The following XPO1 variants were observed in gnomAD, a reference collection of about 807,000 sequenced individuals.
XPO1 encodes the protein exportin-1.
A neutral mutation model predicts 133.3 loss-of-function variants in XPO1; 5 were observed. That is an observed-to-expected ratio of 0.04 (90% CI 0.02 to 0.08). The LOEUF is 0.08. XPO1 is among the 10% of genes least tolerant of loss of function. The probability of loss-of-function intolerance (pLI) is 1.00; values close to 1 mark genes in which losing one functional copy is unlikely to be tolerated. For synonymous variants in XPO1, 419 were observed against 408.2 expected (o/e 1.03, Z -0.32); for missense variants, 506 against 1,267.5 (o/e 0.40, Z 9.12).
rs780698176 is a variant in XPO1 at position 61,492,476 on chromosome 2, T to C, written c.1572A>G (p.Leu524=). 140 of 1,590,828 alleles carry C rather than the reference T, an allele frequency of 8.8e-5. No individual in the cohort carries two copies. Among genetic ancestry groups the C allele is most frequent in the Non-Finnish European group, 1.1e-4 (133 of 1,173,050 alleles). The part of the protein sequence containing the change: ...KRFLVTVIKD[L]LGLCEQKRGK... ...CTCTTTTCTGTTCACATAATCCTAATAGATCCTGTAAATAAGACAAATTTG... is the reference window on the plus strand; with the variant it reads ...CTCTTTTCTGTTCACATAATCCTAACAGATCCTGTAAATAAGACAAATTTG... Residue 524 remains leucine, a synonymous_variant, in exon 15 of 25, where the codon CTA becomes CTG. Coordinates refer to ENST00000401558, the MANE Select transcript of XPO1 (RefSeq NM_003400.4). This position sits in a 1 kb window ranked among gnomAD's most constrained non-coding sequence, Gnocchi z 5.6.
chr2:61,504,039 TG>T (rs1697677171), intron 4 of XPO1, among the ~76,000 whole-genome samples: 1 of 152,016 alleles, frequency 6.6e-6, no homozygotes, highest in Non-Finnish European at 1.5e-5. Flanking sequence ...AGCGAACTCT[TG>T]TCTCAAAAAT....
intron 3 of XPO1, chr2:61,525,927 C>T (rs1286575637): frequency 6.7e-6 from 7 of 1,051,268 alleles, no homozygotes; most frequent in Non-Finnish European, 8.0e-6. Context: ...TTGATCAACC[C>T]TTCTGTTCAA....
At chr2:61,505,722 CT>C (rs1328158076) in intron 4 of XPO1, among the ~76,000 whole-genome samples, 2 of 151,908 alleles carry the variant, frequency 1.3e-5, no homozygotes, top group African/African-American at 2.4e-5. Context: ...CCGCACCTGG[CT>C]TTTTTTTGTA....
intron 4 of XPO1, among the ~76,000 whole-genome samples, chr2:61,507,759 T>TC (rs1185250156): frequency 6.6e-6 from 1 of 152,044 alleles, no homozygotes; most frequent in Non-Finnish European, 1.5e-5. Flanking sequence ...GTGCCTGCAG[T>TC]CCCAGCTACT....
chr2:61,519,170 C>A (rs1343005450), intron 4 of XPO1, among the ~76,000 whole-genome samples: 2 of 152,154 alleles, frequency 1.3e-5, no homozygotes, highest in Non-Finnish European at 2.9e-5. Flanking sequence ...AGACTGGTCT[C>A]AAACTCCTGA....
chr2:61,487,255 T>C (rs543064516), intron 19 of XPO1, among the ~76,000 whole-genome samples: 1 of 152,306 alleles, frequency 6.6e-6, no homozygotes, highest in South Asian at 2.1e-4. Context: ...CAAAAGATGA[T>C]ACCCTTTGTA....
At chr2:61,481,119 TA>T in intron 24 of XPO1, 65 bp downstream of exon 24, 1 of 1,007,674 alleles carries the variant, frequency 9.9e-7, no homozygotes, top group South Asian at 1.8e-5. Context: ...ATAAAAATTC[TA>T]CAATGTAACA....
chr2:61,497,025 G>A lies in XPO1; in HGVS notation c.760-18C>T, dbSNP rs2104473179. The A allele has an allele frequency of 3.8e-6, 6 of 1,593,124 alleles. No individual in the cohort carries two copies. The highest frequency in any genetic ancestry group is 5.1e-6 in the Non-Finnish European group (6 of 1,173,870). ...TTCAGGAACTATTTAAAAGGGGGGAGGGAACCATAAAATTAATTGGCCTGA... is the reference window on the plus strand; with the variant it reads ...TTCAGGAACTATTTAAAAGGGGGGAAGGAACCATAAAATTAATTGGCCTGA... On this transcript the variant is annotated intron_variant, in intron 9 of 24. Transcript: ENST00000401558.
intron 4 of XPO1, among the ~76,000 whole-genome samples, chr2:61,522,080 T>A (rs1698723329): frequency 6.6e-6 from 1 of 151,812 alleles, no homozygotes; most frequent in Admixed American, 6.6e-5. Context: ...ATATATATGT[T>A]TTTTTGGAGA....
chr2:61,509,983 GA>G (rs1185253763), intron 4 of XPO1, among the ~76,000 whole-genome samples: 1 of 152,104 alleles, frequency 6.6e-6, no homozygotes, highest in Non-Finnish European at 1.5e-5. Context: ...ATCAGTCCAT[GA>G]AAACATCAAA....
At chr2:61,503,676 G>A (rs1034531906) in intron 4 of XPO1, among the ~76,000 whole-genome samples, 2 of 151,974 alleles carry the variant, frequency 1.3e-5, no homozygotes, top group Non-Finnish European at 2.9e-5. Flanking sequence ...TGCCTGCCTC[G>A]GCCTCCCAAA....
chr2:61,533,313 T>G (rs1413759964), intron 2 of XPO1, among the ~76,000 whole-genome samples: 1 of 152,244 alleles, frequency 6.6e-6, no homozygotes, highest in African/African-American at 2.4e-5. Flanking sequence ...TGATCAAAAT[T>G]TGGTTTATGT....
intron 2 of XPO1, among the ~76,000 whole-genome samples, chr2:61,531,647 T>C (rs1056528227): frequency 7.9e-5 from 12 of 152,210 alleles, no homozygotes; most frequent in African/African-American, 2.7e-4. Flanking sequence ...TTTTTCCCAA[T>C]GGCTACAGAC....
rs545875987 is a variant in XPO1 at position 61,513,888 on chromosome 2, C to A, written c.301+8723G>T. ...CAATAAGGGAATAGCCCAATAAAAA[C>A]TGGGCAAAATTGGCGGGGCATGGTG... On this transcript the variant is annotated intron_variant, in intron 4 of 24. Transcript: ENST00000401558. Among the ~76,000 whole-genome samples the A allele has an allele frequency of 1.1e-4, 16 of 152,190 alleles. 1 individual carries two copies. In the South Asian group the frequency reaches 2.3e-3, roughly 22 times the overall value.
chr2:61,534,990 A>G (rs1393046172), intron 1 of XPO1, among the ~76,000 whole-genome samples: 1 of 152,224 alleles, frequency 6.6e-6, no homozygotes, highest in Non-Finnish European at 1.5e-5. Flanking sequence ...TTGGCAAGGT[A>G]AAAGCTGTAA....
intron 19 of XPO1, among the ~76,000 whole-genome samples, chr2:61,487,005 G>A (rs990410236): frequency 5.5e-5 from 8 of 145,684 alleles, no homozygotes; most frequent in African/African-American, 2.0e-4. Context: ...TTTTTGAGAC[G>A]AAGTTTCCCA....
At position 61,533,835 on chromosome 2, in the gene XPO1, T is replaced by C. The variant is rs759529762; in HGVS notation, c.63A>G (p.Gln21=). Residue 21 remains glutamine (Q), a synonymous_variant, in exon 2 of 25, where the codon CAA becomes CAG. Coordinates refer to ENST00000401558, the MANE Select transcript of XPO1 (RefSeq NM_003400.4). ...TATCTAATAAGTTGATATCCAGTTT[T>C]TGGCTGAAATCAAGCAGCTGACGAG... ...HAARQLLDFS[Q]KLDINLLDNV... 11 of 1,609,546 alleles carry C rather than the reference T, an allele frequency of 6.8e-6. No homozygotes were observed. In the South Asian group the frequency reaches 1.2e-4, roughly 18 times the overall value.
chr2:61,516,990 A>C (rs1329186720), intron 4 of XPO1, among the ~76,000 whole-genome samples: 2 of 151,266 alleles, frequency 1.3e-5, no homozygotes, highest in East Asian at 3.9e-4. Context: ...TGTAAGCTCC[A>C]CCTCCCAGGT....
chr2:61,504,031 C>T (rs191566357), intron 4 of XPO1, among the ~76,000 whole-genome samples: 2 of 152,222 alleles, frequency 1.3e-5, no homozygotes, highest in Admixed American at 1.3e-4. Flanking sequence ...GGCAACAGAG[C>T]GAACTCTTGT....
Sources: gnomAD v4.1 joint callset for allele counts (sites outside exome capture counted in the v4.1 genomes callset) on GRCh38, gnomAD v4.1.1 for gene constraint, Gnocchi (gnomAD v3.1) non-coding constraint, MANE v1.5 for transcripts, NCBI Gene and HGNC (gene_info 2026-07-23, HGNC 2026-07-21) for gene names.